The following LMCD1 variants were observed in gnomAD, a reference collection of about 807,000 sequenced individuals.
LMCD1 encodes the protein LIM and cysteine-rich domains protein 1.
LMCD1 carries 32 observed loss-of-function variants against 42.7 expected under a neutral mutation model. That is an observed-to-expected ratio of 0.75 (90% CI 0.57 to 1.01). The LOEUF (loss-of-function observed/expected upper bound fraction) is 1.01, where lower values mean the gene tolerates loss of function less well. LMCD1 is among the 50% of genes least tolerant of loss of function. The pLI is 0.00. For synonymous variants in LMCD1, 178 were observed against 184.9 expected, an observed-to-expected ratio of 0.96 and a Z score of 0.30; for missense variants, 458 against 483.1, an observed-to-expected ratio of 0.95 and a Z score of 0.49.
At chr3:8,540,407 T>A (rs1021618711) in intron 3 of LMCD1, among the ~76,000 whole-genome samples, 4 of 152,222 alleles carry the variant, frequency 2.6e-5, no homozygotes, top group Admixed American at 6.5e-5. Context: ...TCCAGCACTG[T>A]TAGAAGTATA....
At chr3:8,534,667 T>C (rs1694478150) in intron 2 of LMCD1, among the ~76,000 whole-genome samples, 1 of 152,226 alleles carries the variant, frequency 6.6e-6, no homozygotes, top group Non-Finnish European at 1.5e-5. Flanking sequence ...CATGGTTTAA[T>C]AGGAAAGCCC....
chr3:8,510,398 TAA>T (rs1201981465), intron 1 of LMCD1, among the ~76,000 whole-genome samples: 2 of 152,184 alleles, frequency 1.3e-5, no homozygotes, highest in African/African-American at 4.8e-5. Flanking sequence ...AGAGGAAGTA[TAA>T]GAGAGAGATG....
rs1018637103 is a variant in LMCD1 at position 8,569,578 on chromosome 3, C to T, written c.*1980C>T. ...AAGCAAATATTCTCACAAGTCAATG[C>T]AAAATTACACTACTGTGCATGCTAT... On this transcript the variant is annotated 3_prime_UTR_variant, in exon 6 of 6. Coordinates refer to ENST00000157600, the MANE Select transcript of LMCD1 (RefSeq NM_014583.4). The T allele has an allele frequency of 2.0e-5, 3 of 152,146 alleles. No homozygotes were observed. Among genetic ancestry groups the T allele is most frequent in the Non-Finnish European group, 4.4e-5 (3 of 68,038 alleles). The allele number at this position is 152,146 out of a possible 1,614,324, so 9.4% of individuals were successfully genotyped here.
intron 4 of LMCD1, among the ~76,000 whole-genome samples, chr3:8,560,775 T>C (rs1421578192): frequency 1.3e-5 from 2 of 152,170 alleles, no homozygotes; most frequent in Non-Finnish European, 2.9e-5. Flanking sequence ...GTCTCAATCA[T>C]GTGAAGAGGA....
chr3:8,539,861 A>G (rs1694587385), intron 3 of LMCD1, among the ~76,000 whole-genome samples: 1 of 142,562 alleles, frequency 7.0e-6, no homozygotes, highest in African/African-American at 2.5e-5. Context: ...TCTAGGGTAC[A>G]TGTGCACAAC....
rs1445659045 is a variant in LMCD1, at chr3:8,537,216, G to C, written c.163G>C (p.Glu55Gln). Residue 55 changes from glutamate (E) to glutamine (Q), a missense_variant, in exon 3 of 6, where the codon GAG (glutamate) becomes CAG (glutamine). Coordinates refer to ENST00000157600, the MANE Select transcript of LMCD1 (RefSeq NM_014583.4). ...ATGCAAGTCTTGCAAATGCAGCCAA[G>C]AGGACCACTGCCTAACATCTGACCT... ...KICKSCKCSQEDHCLTSDLED... is the reference protein window; with the variant it reads ...KICKSCKCSQQDHCLTSDLED... 2 of 1,614,106 alleles carry C rather than the reference G, an allele frequency of 1.2e-6. No homozygotes were observed. The highest frequency in any genetic ancestry group is 4.5e-5 in the East Asian group (2 of 44,874).
At chr3:8,551,613 C>T (rs1694839772) in intron 4 of LMCD1, among the ~76,000 whole-genome samples, 1 of 152,166 alleles carries the variant, frequency 6.6e-6, no homozygotes, top group Non-Finnish European at 1.5e-5. Context: ...AGACTGTGTG[C>T]CCTTATTTAA....
At chr3:8,527,911 T>A (rs1323877660) in intron 1 of LMCD1, among the ~76,000 whole-genome samples, 2 of 152,228 alleles carry the variant, frequency 1.3e-5, no homozygotes, top group Non-Finnish European at 2.9e-5. Flanking sequence ...TAGGTATTTA[T>A]AAGTAATTTA....
chr3:8,515,076 C>A, intron 1 of LMCD1: 1 of 454,704 alleles, frequency 2.2e-6, no homozygotes. Flanking sequence ...TGTATCCAGG[C>A]AGCAGATTAA....
At position 8,537,276 on chromosome 3, in the gene LMCD1, G is replaced by T; in HGVS notation, c.223G>T (p.Asp75Tyr). ...TCGGAAAATTGGCCGCTTGCTGATG[G>T]ACTCCAAGTATTCCACCCTCACTGC... Reference protein sequence around the residue: ...DDRKIGRLLMDSKYSTLTARV... With the variant: ...DDRKIGRLLMYSKYSTLTARV... Residue 75 changes from aspartate (D) to tyrosine (Y), a missense_variant, in exon 3 of 6, where the codon GAC becomes TAC. Physicochemically the swap from Asp to Tyr is radical, Grantham distance 160. Transcript: ENST00000157600. The T allele has an allele frequency of 6.2e-7, 1 of 1,614,134 alleles. No homozygotes were observed.
chr3:8,563,668 G>A lies in LMCD1; in HGVS notation c.724-1764G>A, dbSNP rs140508066. Among the ~76,000 whole-genome samples the A allele has an allele frequency of 2.5e-3, 386 of 152,336 alleles. 3 individuals carry two copies. The highest frequency in any genetic ancestry group is 8.9e-3 in the African/African-American group (371 of 41,580). On this transcript the variant is annotated intron_variant, in intron 4 of 5. Coordinates refer to ENST00000157600, the MANE Select transcript of LMCD1 (RefSeq NM_014583.4). The stretch of plus-strand genomic sequence containing the variant: ...TATGTAGATACTTGGCCCTGGAGGA[G>A]ATGGAGCACTCTTTAGACATGGAGG...
At position 8,525,316 on chromosome 3, in the gene LMCD1, C is replaced by T. The variant is rs147766544; in HGVS notation, c.43-7421C>T. 2.2e-3 allele frequency among the ~76,000 whole-genome samples: 341 copies of T among 152,260 alleles called. 3 individuals carry two copies. The highest frequency in any genetic ancestry group is 7.7e-3 in the African/African-American group (319 of 41,534). On this transcript the variant is annotated intron_variant, in intron 1 of 5. Transcript: ENST00000157600. ...GTCTTTCTGTGCCTGACTTATTTCA[C>T]GTAGCATAATGTCCTTGAGTTCATC...
intron 1 of LMCD1, among the ~76,000 whole-genome samples, chr3:8,532,164 T>C (rs1162834091): frequency 6.6e-6 from 1 of 152,210 alleles, no homozygotes; most frequent in Non-Finnish European, 1.5e-5. Flanking sequence ...TAGCAAGTAA[T>C]AAAACCTGTC....
chr3:8,550,204 G>A, intron 4 of LMCD1: 1 of 1,238,740 alleles, frequency 8.1e-7, no homozygotes, highest in Non-Finnish European at 1.0e-6. Flanking sequence ...AATGCTTGAG[G>A]CTGGACCACG....
Position 8,567,592 on chromosome 3 carries a change from C to G in LMCD1, c.1092C>G (p.Arg364=). The G allele has an allele frequency of 6.2e-7, 1 of 1,612,782 alleles. No individual in the cohort carries two copies. Among genetic ancestry groups the G allele is most frequent in the Non-Finnish European group, 8.5e-7 (1 of 1,179,364 alleles). The change falls in exon 6 of 6, where the codon CGC becomes CGG. Residue 364 remains arginine (R), a synonymous_variant. Transcript: ENST00000157600. ...LLCPTCSKSK[R]S is the part of the protein sequence containing the mutation. ...GCCCAACTTGCAGCAAGTCCAAACG[C>G]TCCTGAAGGGCTGCCCACCCACAGC...
chr3:8,522,769 A>G (rs1694231230), intron 1 of LMCD1, among the ~76,000 whole-genome samples: 1 of 152,220 alleles, frequency 6.6e-6, no homozygotes, highest in Admixed American at 6.5e-5. Flanking sequence ...ATCCTGAGAG[A>G]GGAAAGAAAA....
Position 8,542,002 on chromosome 3 carries a change from C to CTTTTTT in LMCD1, c.387+4581_387+4586dup, listed in dbSNP as rs1187864989. On this transcript the variant is annotated intron_variant, in intron 3 of 5. Coordinates refer to ENST00000157600, the MANE Select transcript of LMCD1 (RefSeq NM_014583.4). ...CCATGCAAAGACAGAGAGGCTGGAG[C>CTTTTTT]TTTTTTTTTTTTTTTTTTTTTTTTG... Among the ~76,000 whole-genome samples the CTTTTTT allele has an allele frequency of 4.1e-3, 315 of 76,722 alleles. 4 individuals are homozygous for CTTTTTT. The highest frequency in any genetic ancestry group is 4.9e-3 in the African/African-American group (88 of 17,916). 50.3% of individuals were successfully genotyped at this position (76,722 alleles called of 152,430 possible).
At chr3:8,540,626 A>T (rs1026777712) in intron 3 of LMCD1, among the ~76,000 whole-genome samples, 17 of 152,212 alleles carry the variant, frequency 1.1e-4, no homozygotes, top group South Asian at 1.0e-3. Flanking sequence ...GAAGGAGCAG[A>T]TACCCTGGGT....
At chr3:8,522,605 C>T (rs1451512950) in intron 1 of LMCD1, among the ~76,000 whole-genome samples, 1 of 152,164 alleles carries the variant, frequency 6.6e-6, no homozygotes. Flanking sequence ...GCAGGTTGGG[C>T]TTCTGTGAAT....
Sources: allele counts gnomAD v4.1 joint callset (sites outside exome capture counted in the v4.1 genomes callset), GRCh38; gene constraint gnomAD v4.1.1; transcripts MANE v1.5; gene names NCBI Gene and HGNC (gene_info 2026-07-23, HGNC 2026-07-21).